Variants in DMD observed in about 807,000 individuals in gnomAD.
The protein encoded by DMD is dystrophin, also known as mutant dystrophin.
A neutral mutation model predicts 330.1 loss-of-function variants in DMD; 63 were observed. The observed-to-expected ratio is 0.19, with a 90% CI of 0.16 to 0.24. The LOEUF (loss-of-function observed/expected upper bound fraction) is 0.24, where lower values mean the gene tolerates loss of function less well. DMD is among the 10% of genes least tolerant of loss of function. The pLI is 1.00. For missense variants in DMD, 3,344 were observed against 2,684.1 expected (o/e 1.25, Z -5.43); for synonymous variants, 1,223 against 959.8 (o/e 1.27, Z -5.07).
At chrX:31,217,186 C>T (rs180772151) in intron 64 of DMD, among the ~76,000 whole-genome samples, 2 of 111,938 alleles carry the variant, frequency 1.8e-5, no homozygotes, top group African/African-American at 6.5e-5. Context: ...GGAGTATCAG[C>T]TATATGAAAC....
At chrX:33,023,466 G>T (rs149854376) in intron 1 of DMD, among the ~76,000 whole-genome samples, 3,260 of 111,635 alleles carry the variant, frequency 0.029, 58 homozygotes, top group Non-Finnish European at 0.042. Flanking sequence ...CATCTCAGCC[G>T]CAGGTATGTC....
At chrX:32,805,388 A>T (rs2076878122) in intron 7 of DMD, among the ~76,000 whole-genome samples, 1 of 112,039 alleles carries the variant, frequency 8.9e-6, no homozygotes, top group Non-Finnish European at 1.9e-5. Context: ...ACTTAATGAA[A>T]TAAAGTGTGA....
At chrX:32,582,499 A>C (rs1029923403) in intron 13 of DMD, among the ~76,000 whole-genome samples, 1 of 112,058 alleles carries the variant, frequency 8.9e-6, no homozygotes, top group African/African-American at 3.2e-5. Context: ...GACCTAACTA[A>C]ATGAAAGGAT....
chrX:33,181,218 G>A (rs1297100493), intron 1 of DMD, among the ~76,000 whole-genome samples: 1 of 111,378 alleles, frequency 9.0e-6, no homozygotes, highest in Non-Finnish European at 1.9e-5. Flanking sequence ...TTACATGACT[G>A]ACAGTTGTCT....
At chrX:31,609,032 G>A (rs952758762) in intron 55 of DMD, among the ~76,000 whole-genome samples, 3 of 112,089 alleles carry the variant, frequency 2.7e-5, no homozygotes, top group African/African-American at 6.5e-5. Context: ...TCTTCAGGGT[G>A]TAATTTTTGC....
intron 60 of DMD, among the ~76,000 whole-genome samples, chrX:31,416,794 A>G (rs2061894569): frequency 8.9e-6 from 1 of 112,017 alleles, no homozygotes; most frequent in African/African-American, 3.2e-5. Flanking sequence ...CGTGACCTAA[A>G]TTCACTTAGG....
intron 2 of DMD, among the ~76,000 whole-genome samples, chrX:32,940,638 T>C (rs113233903): frequency 0.2 from 22,511 of 110,801 alleles, 2,214 homozygotes; most frequent in Non-Finnish European, 0.3. Flanking sequence ...ATTTTCGACA[T>C]GTATAAAAAT....
chrX:31,414,039 A>G (rs1032711536), intron 60 of DMD, among the ~76,000 whole-genome samples: 1 of 111,227 alleles, frequency 9.0e-6, no homozygotes, highest in East Asian at 2.8e-4. Flanking sequence ...TTTGAGATGG[A>G]GTTTCACTCT....
chrX:33,276,715 C>T (rs1036037682), intron 1 of DMD, among the ~76,000 whole-genome samples: 1 of 111,704 alleles, frequency 9.0e-6, no homozygotes, highest in African/African-American at 3.3e-5. Flanking sequence ...ATATTATATA[C>T]ATGGGATGAA....
At chrX:32,825,377 G>A (rs1388667518) in intron 4 of DMD, among the ~76,000 whole-genome samples, 3 of 110,920 alleles carry the variant, frequency 2.7e-5, no homozygotes, top group Middle Eastern at 4.2e-3. Context: ...GGTCTCATAA[G>A]GTCCAATTTC....
At chrX:32,977,680 A>G (rs942494533) in intron 2 of DMD, among the ~76,000 whole-genome samples, 1 of 110,092 alleles carries the variant, frequency 9.1e-6, no homozygotes, top group Admixed American at 9.8e-5. Flanking sequence ...CTTATATAAG[A>G]TATATATGTA....
intron 50 of DMD, among the ~76,000 whole-genome samples, chrX:31,794,488 AATT>A (rs2091729936): frequency 9.0e-6 from 1 of 111,689 alleles, no homozygotes; most frequent in East Asian, 2.8e-4. Context: ...TCACCGATTA[AATT>A]ATTAAGAACC....
chrX:32,816,715 C>T (rs767730741), intron 5 of DMD, 75 bp from the exon 6 acceptor site: 39 of 1,012,827 alleles, frequency 3.9e-5, no homozygotes, highest in Middle Eastern at 3.4e-4. Context: ...ATATGAATGT[C>T]CTTGATCTTC....
chrX:32,158,891 T>C (rs953583255), intron 44 of DMD, among the ~76,000 whole-genome samples: 2 of 111,910 alleles, frequency 1.8e-5, no homozygotes, highest in Non-Finnish European at 3.8e-5. Flanking sequence ...ACTTTCCTAT[T>C]ACAGATAACT....
chrX:32,968,193 G>C (rs1465696761), intron 2 of DMD, among the ~76,000 whole-genome samples: 6 of 111,174 alleles, frequency 5.4e-5, no homozygotes, highest in Non-Finnish European at 1.1e-4. Flanking sequence ...TTCAGAATCT[G>C]CTTATGCTGG....
rs753356993 is a variant in DMD, at chrX:32,945,857, A to G, written c.93+74282T>C. On this transcript the variant is annotated intron_variant, in intron 2 of 78. Coordinates refer to ENST00000357033, the MANE Select transcript of DMD (RefSeq NM_004006.3). ...TAGTAGGCATATATGTTTTCCTGAA[A>G]TAAATCCAATTTGGCATGATAACTT... Among the ~76,000 whole-genome samples the G allele has an allele frequency of 4.5e-5, 5 of 111,643 alleles. No individual in the cohort carries two copies. The South Asian group carries it at 1.9e-3, about 41-fold the overall frequency.
At position 32,582,611 on chromosome X, in the gene DMD, T is replaced by G. The variant is rs808564; in HGVS notation, c.1603-8765A>C. ...CAGCAGATTCTTTTTGGGGGCAGGG[T>G]TCACAAGCTGTTCTTAAAATTCATA... On this transcript the variant is annotated intron_variant, in intron 13 of 78. Transcript: ENST00000357033. Among the ~76,000 whole-genome samples the G allele has an allele frequency of 0.37, 40,543 of 110,331 alleles. 6,384 individuals are homozygous for G. Among genetic ancestry groups the G allele is most frequent in the East Asian group, 0.64 (2,216 of 3,471 alleles).
chrX:32,844,650 T>C (rs1219319042), intron 4 of DMD, 133 bp downstream of exon 4: 5 of 546,252 alleles, frequency 9.2e-6, no homozygotes, highest in East Asian at 3.7e-5. Context: ...TTACAACATG[T>C]GCTCTCAGTA....
At chrX:32,619,799 C>T (rs73465603) in intron 11 of DMD, among the ~76,000 whole-genome samples, 9,079 of 110,866 alleles carry the variant, frequency 0.082, 930 homozygotes, top group African/African-American at 0.28. Flanking sequence ...GAGCCAGGAC[C>T]TAACAACAAA....
Sources: allele counts gnomAD v4.1 joint callset (sites outside exome capture counted in the v4.1 genomes callset), GRCh38; gene constraint gnomAD v4.1.1; transcripts MANE v1.5; gene names NCBI Gene and HGNC (gene_info 2026-07-23, HGNC 2026-07-21).